The following NHLRC2 variants were observed in gnomAD, a reference collection of about 807,000 sequenced individuals.
NHLRC2 encodes NHL repeat-containing protein 2.
NHLRC2 carries 33 observed loss-of-function variants against 68.1 expected under a neutral mutation model. That is an observed-to-expected ratio of 0.48 (90% CI 0.37 to 0.65). The LOEUF (loss-of-function observed/expected upper bound fraction) is 0.65. Among genes scored for constraint, NHLRC2 ranks in the 30% least tolerant of loss-of-function variants. The pLI, the probability that NHLRC2 is intolerant of heterozygous loss-of-function variation, is 0.00. For synonymous variants in NHLRC2, 311 were observed against 309.6 expected (o/e 1.00, Z -0.05); for missense variants, 761 against 853.8 (o/e 0.89, Z 1.35).
chr10:113,876,399 T>C, intron 2 of NHLRC2, 122 bp from the exon 3 acceptor site: 1 of 558,866 alleles, frequency 1.8e-6, no homozygotes, highest in Non-Finnish European at 3.0e-6. Context: ...AGCGTAGTTC[T>C]ACTTTTCGTT....
rs1035168228 is a variant in NHLRC2, at chr10:113,854,742, T to C, written c.-131T>C. On this transcript the variant is annotated 5_prime_UTR_variant, in exon 1 of 11. Coordinates refer to ENST00000369301, the MANE Select transcript of NHLRC2 (RefSeq NM_198514.4). ...TGCTTTAAAAAGAAAAAAGTGTCAT[T>C]GGCGTGGAGTGGGGCTAGTGGAGGG... is the stretch of plus-strand genomic sequence containing the variant. The C allele has an allele frequency of 1.2e-5, 8 of 674,462 alleles. No homozygotes were observed. The highest frequency in any genetic ancestry group is 1.9e-5 in the Non-Finnish European group (8 of 411,678). The allele number at this position is 674,462 out of a possible 1,614,324, so 41.8% of individuals were successfully genotyped here.
At chr10:113,895,390 A>G (rs1039594901) in intron 5 of NHLRC2, among the ~76,000 whole-genome samples, 3 of 152,218 alleles carry the variant, frequency 2.0e-5, no homozygotes, top group Non-Finnish European at 4.4e-5. Context: ...AAGGCAGTAA[A>G]TTAATAAATA....
chr10:113,902,553 A>G lies in NHLRC2; in HGVS notation c.1454A>G (p.Lys485Arg). The G allele has an allele frequency of 6.2e-7, 1 of 1,610,168 alleles. No individual in the cohort carries two copies. The highest frequency in any genetic ancestry group is 8.5e-7 in the Non-Finnish European group (1 of 1,177,946). ...QHPLGVTWDK[K>R]RNLLYVADSY... The stretch of plus-strand genomic sequence containing the variant: ...CCCCTTGGAGTAACATGGGACAAAA[A>G]AAGGAATTTACTTTATGTTGCAGAC... The change falls in exon 8 of 11, where the codon AAA becomes AGA. Residue 485 changes from lysine to arginine, a missense_variant. Transcript: ENST00000369301.
intron 6 of NHLRC2, among the ~76,000 whole-genome samples, chr10:113,901,070 A>G (rs541832077): frequency 2.0e-5 from 3 of 152,308 alleles, no homozygotes; most frequent in South Asian, 2.1e-4. Context: ...TGATTTGTAC[A>G]ATCGATATAA....
chr10:113,888,317 C>T (rs1278961772), intron 5 of NHLRC2, among the ~76,000 whole-genome samples: 1 of 152,006 alleles, frequency 6.6e-6, no homozygotes, highest in Non-Finnish European at 1.5e-5. Flanking sequence ...TTAACATTTG[C>T]ACCACACAGA....
intron 5 of NHLRC2, among the ~76,000 whole-genome samples, chr10:113,886,548 A>G (rs189681126): frequency 1.3e-5 from 2 of 152,306 alleles, no homozygotes; most frequent in African/African-American, 2.4e-5. Context: ...ATCAACCAAT[A>G]TAACAGGATA....
Position 113,911,968 on chromosome 10 carries a change from C to T in NHLRC2, c.*3432C>T, listed in dbSNP as rs1846334276. On this transcript the variant is annotated 3_prime_UTR_variant, in exon 11 of 11. Coordinates refer to ENST00000369301, the MANE Select transcript of NHLRC2 (RefSeq NM_198514.4). ...TTTAAAGAGTTAAAGTTAACTGAAT[C>T]GTAAGCACTTATATAATAACTTTTT... is the stretch of plus-strand genomic sequence containing the variant. The T allele has an allele frequency of 6.6e-6, 1 of 151,794 alleles. No individual in the cohort carries two copies. The highest frequency in any genetic ancestry group is 2.4e-5 in the African/African-American group (1 of 41,354). 9.4% of individuals were successfully genotyped at this position (151,794 alleles called of 1,614,324 possible).
At chr10:113,863,301 A>G (rs1259617814) in intron 2 of NHLRC2, among the ~76,000 whole-genome samples, 2 of 152,220 alleles carry the variant, frequency 1.3e-5, no homozygotes, top group Non-Finnish European at 2.9e-5. Context: ...TTAGAAAACA[A>G]TAACCAAAGG....
chr10:113,913,528 G>A lies in NHLRC2; in HGVS notation c.*4992G>A, dbSNP rs192654013. ...AGCTTTCCAGTGTTAGTTCTCAACA[G>A]TGCTGTTTCAAAAGTTGTTTTAAAA... On this transcript the variant is annotated 3_prime_UTR_variant, in exon 11 of 11. Transcript: ENST00000369301. The A allele has an allele frequency of 6.6e-6, 1 of 152,284 alleles. No individual in the cohort carries two copies. Among genetic ancestry groups the A allele is most frequent in the East Asian group, 1.9e-4 (1 of 5,186 alleles). 9.4% of individuals were successfully genotyped at this position (152,284 alleles called of 1,614,324 possible).
rs1470920749 is a variant in NHLRC2 at position 113,862,596 on chromosome 10, G to A, written c.331+3916G>A. Among the ~76,000 whole-genome samples the A allele has an allele frequency of 2.6e-5, 4 of 152,186 alleles. No homozygotes were observed. In the East Asian group the frequency reaches 7.7e-4, roughly 29 times the overall value. On this transcript the variant is annotated intron_variant, in intron 2 of 10. Coordinates refer to ENST00000369301, the MANE Select transcript of NHLRC2 (RefSeq NM_198514.4). ...CTCTTTGTCAATAATTACTTTAAATGTAAATGGATTAAGTCTTCTAATTGA... is the reference window on the plus strand; with the variant it reads ...CTCTTTGTCAATAATTACTTTAAATATAAATGGATTAAGTCTTCTAATTGA...
intron 2 of NHLRC2, 180 bp downstream of exon 2, chr10:113,858,860 T>C (rs1845788520): frequency 4.7e-6 from 2 of 424,802 alleles, no homozygotes; most frequent in Non-Finnish European, 8.3e-6. Flanking sequence ...AGCTTAGTGA[T>C]AGTGGTTTGC....
In NHLRC2 at chr10:113,854,861, C is replaced by T. The variant is rs1329067927; in HGVS notation, c.-12C>T. ...GCGGGCCCGGCGGCCGCATCGGGAGCCCGGCGGAAACATGGCGGCGCCCGG... is the reference window on the plus strand; with the variant it reads ...GCGGGCCCGGCGGCCGCATCGGGAGTCCGGCGGAAACATGGCGGCGCCCGG... On this transcript the variant is annotated 5_prime_UTR_variant, in exon 1 of 11. Transcript: ENST00000369301. 2.3e-5 allele frequency: 35 copies of T among 1,538,082 alleles called. No individual in the cohort carries two copies. In the East Asian group the frequency reaches 8.1e-4, roughly 36 times the overall value.
At chr10:113,871,830 C>A (rs1327705064) in intron 2 of NHLRC2, among the ~76,000 whole-genome samples, 1 of 152,158 alleles carries the variant, frequency 6.6e-6, no homozygotes, top group East Asian at 1.9e-4. Flanking sequence ...CTTGGCCCTG[C>A]ATTTCACAAT....
At chr10:113,861,398 A>C (rs796654298) in intron 2 of NHLRC2, among the ~76,000 whole-genome samples, 7 of 152,370 alleles carry the variant, frequency 4.6e-5, no homozygotes, top group African/African-American at 1.7e-4. Flanking sequence ...AACCAAAGAG[A>C]GAATTTTGAA....
chr10:113,895,060 A>G (rs1467725125), intron 5 of NHLRC2, among the ~76,000 whole-genome samples: 1 of 152,204 alleles, frequency 6.6e-6, no homozygotes, highest in African/African-American at 2.4e-5. Context: ...TTACCCATCA[A>G]ATATCCACAG....
intron 5 of NHLRC2, among the ~76,000 whole-genome samples, chr10:113,894,581 T>A (rs1470737394): frequency 2.0e-5 from 3 of 152,160 alleles, no homozygotes; most frequent in African/African-American, 7.2e-5. Flanking sequence ...CCTTCTTTGT[T>A]GCACAAACTA....
rs370910946 is a variant in NHLRC2, at chr10:113,889,441, G to A, written c.1039+5061G>A. 2.3e-3 allele frequency among the ~76,000 whole-genome samples: 357 copies of A among 152,170 alleles called. 1 individual carries two copies. Among genetic ancestry groups the A allele is most frequent in the African/African-American group, 7.8e-3 (325 of 41,508 alleles). ...AATCAGATGACACGGAGTTTTGAAG[G>A]AATAAATTTGATGCAGTATGACTAG... On this transcript the variant is annotated intron_variant, in intron 5 of 10. Transcript: ENST00000369301.
At chr10:113,895,435 A>T (rs951059859) in intron 5 of NHLRC2, among the ~76,000 whole-genome samples, 2 of 152,180 alleles carry the variant, frequency 1.3e-5, no homozygotes, top group African/African-American at 4.8e-5. Flanking sequence ...TTCTACAGTG[A>T]AAAATAGGCA....
chr10:113,862,247 T>C (rs1351855173), intron 2 of NHLRC2, among the ~76,000 whole-genome samples: 1 of 152,104 alleles, frequency 6.6e-6, no homozygotes, highest in Non-Finnish European at 1.5e-5. Context: ...GGAGATATAA[T>C]GTACAAAGAT....
Sources: gnomAD v4.1 joint callset for allele counts (sites outside exome capture counted in the v4.1 genomes callset) on GRCh38, gnomAD v4.1.1 for gene constraint, MANE v1.5 for transcripts, NCBI Gene and HGNC (gene_info 2026-07-23, HGNC 2026-07-21) for gene names.